Variants in COL5A1 observed in about 807,000 individuals in gnomAD.
The protein encoded by COL5A1 is collagen type V alpha 1 chain, also known as collagen alpha-1(V) chain.
In COL5A1, 16 loss-of-function variants were observed where a neutral mutation model predicts 263.7. The observed-to-expected ratio is 0.06, with a 90% CI of 0.04 to 0.09. The LOEUF (loss-of-function observed/expected upper bound fraction) is 0.09, where lower values mean the gene tolerates loss of function less well. Ranked by LOEUF, COL5A1 falls within the 10% of genes least tolerant of loss-of-function variation. The pLI, the probability that COL5A1 is intolerant of heterozygous loss-of-function variation, is 1.00. For synonymous variants in COL5A1, 1,012 were observed against 1,004.5 expected (o/e 1.01, Z -0.14); for missense variants, 2,036 against 2,540.5 (o/e 0.80, Z 4.27).
intron 26 of COL5A1, 59 bp downstream of exon 26, chr9:134,772,893 T>C: frequency 3.2e-6 from 5 of 1,541,382 alleles, no homozygotes; most frequent in Non-Finnish European, 4.5e-6. Flanking sequence ...GTCCAGGTGC[T>C]CTGGGCTCAG....
intron 3 of COL5A1, 101 bp from the exon 4 acceptor site, chr9:134,701,070 G>T: frequency 8.1e-7 from 1 of 1,233,312 alleles, no homozygotes; most frequent in South Asian, 1.3e-5. Context: ...CGATCGTGCA[G>T]GAAGTGGGCC....
rs572804264 is a variant in COL5A1 at position 134,789,925 on chromosome 9, C to T, written c.2700+717C>T. 1.9e-4 allele frequency among the ~76,000 whole-genome samples: 29 copies of T among 152,340 alleles called. No homozygotes were observed. The highest frequency in any genetic ancestry group is 1.5e-3 in the East Asian group (8 of 5,180). On this transcript the variant is annotated intron_variant, in intron 32 of 65. Coordinates refer to ENST00000371817, the MANE Select transcript of COL5A1 (RefSeq NM_000093.5). This position sits in a 1 kb window ranked among gnomAD's most constrained non-coding sequence, Gnocchi z 4.8. Reference sequence around the variant, plus strand: ...TTGGACTCTGAGCTGGCCTTGTCCACGGGGCATATGGCGGGGACAGAGAAA... The same window carrying T: ...TTGGACTCTGAGCTGGCCTTGTCCATGGGGCATATGGCGGGGACAGAGAAA...
intron 1 of COL5A1, among the ~76,000 whole-genome samples, chr9:134,673,409 G>A (rs1228061768): frequency 6.8e-6 from 1 of 147,568 alleles, no homozygotes; most frequent in African/African-American, 2.5e-5. Flanking sequence ...GCAGTGAGCC[G>A]AGATCACGCC....
At position 134,727,351 on chromosome 9, in the gene COL5A1, C is replaced by T; in HGVS notation, c.740C>T (p.Ala247Val). 1.2e-6 allele frequency: 2 copies of T among 1,614,032 alleles called. No homozygotes were observed. Among genetic ancestry groups the T allele is most frequent in the East Asian group, 2.2e-5 (1 of 44,876 alleles). The part of the protein sequence containing the change: ...CEHYSPDCDT[A>V]VPDTPQSQDP... ...CACTACAGCCCTGACTGTGACACCGCAGTACCTGACACCCCACAGTCGCAG... is the reference window on the plus strand; with the variant it reads ...CACTACAGCCCTGACTGTGACACCGTAGTACCTGACACCCCACAGTCGCAG... Residue 247 changes from alanine to valine, a missense_variant, in exon 5 of 66, where the codon GCA (alanine) becomes GTA (valine). By Grantham distance (64) the Ala-to-Val change is moderately conservative. Transcript: ENST00000371817.
At chr9:134,759,502 CATGCACACACACATACACACACCACAT>C (rs1836165435) in intron 18 of COL5A1, among the ~76,000 whole-genome samples, 2 of 137,578 alleles carry the variant, frequency 1.5e-5, no homozygotes, top group Non-Finnish European at 1.5e-5. Context: ...CTCATACACA[CATGCACACACACATACACACACCACAT>C]ACACCACACA....
intron 16 of COL5A1, among the ~76,000 whole-genome samples, chr9:134,756,174 C>G (rs940940254): frequency 6.6e-6 from 1 of 152,170 alleles, no homozygotes; most frequent in African/African-American, 2.4e-5. Flanking sequence ...AGTTGGGCAC[C>G]TTGTCCTTGA....
rs537983091 is a variant in COL5A1 at position 134,741,003 on chromosome 9, G to T, written c.1494+2195G>T. 5.9e-5 allele frequency among the ~76,000 whole-genome samples: 9 copies of T among 152,322 alleles called. No homozygotes were observed. The South Asian group carries it at 1.7e-3, about 28-fold the overall frequency. On this transcript the variant is annotated intron_variant, in intron 11 of 65. Coordinates refer to ENST00000371817, the MANE Select transcript of COL5A1 (RefSeq NM_000093.5). This position sits in a 1 kb window ranked among gnomAD's most constrained non-coding sequence, Gnocchi z 4.5. ...GGCCCTTCCAGTGAGAGGGGTGCTGGTTCCAGGAGCTGAGAGCTGACCACC... is the reference window on the plus strand; with the variant it reads ...GGCCCTTCCAGTGAGAGGGGTGCTGTTTCCAGGAGCTGAGAGCTGACCACC...
chr9:134,664,802 C>T (rs1315092140), intron 1 of COL5A1, among the ~76,000 whole-genome samples: 4 of 152,220 alleles, frequency 2.6e-5, no homozygotes, highest in Non-Finnish European at 4.4e-5. Context: ...TGGCTCATGC[C>T]TATATTTCCA....
chr9:134,726,151 G>T (rs1381481455), intron 4 of COL5A1, among the ~76,000 whole-genome samples: 2 of 152,240 alleles, frequency 1.3e-5, no homozygotes, highest in Non-Finnish European at 2.9e-5. Flanking sequence ...TCTAGGGCGG[G>T]TGAGAGTGCA....
chr9:134,750,624 C>T lies in COL5A1; in HGVS notation c.1569+8C>T, dbSNP rs201515894. On this transcript the variant is annotated splice_region_variant and intron_variant, in intron 12 of 65. Coordinates refer to ENST00000371817, the MANE Select transcript of COL5A1 (RefSeq NM_000093.5). ...ACCATGCTCATGCTGCCCGTGAGTA[C>T]CCTTATCAGTCGGAGGTGGGGAGGC... is the stretch of plus-strand genomic sequence containing the variant. The T allele has an allele frequency of 6.2e-7, 1 of 1,613,166 alleles. No homozygotes were observed. The highest frequency in any genetic ancestry group is 2.2e-5 in the East Asian group (1 of 44,860).
chr9:134,819,849 A>G (rs1838922156), intron 57 of COL5A1, among the ~76,000 whole-genome samples: 4 of 152,252 alleles, frequency 2.6e-5, no homozygotes, highest in Admixed American at 2.6e-4. Flanking sequence ...ATTACCACTC[A>G]GGAAAACCCC....
At chr9:134,759,553 TCATAC>T (rs1564438203) in intron 18 of COL5A1, among the ~76,000 whole-genome samples, 11 of 71,102 alleles carry the variant, frequency 1.5e-4, no homozygotes, top group African/African-American at 1.0e-3. Context: ...GCACACACAC[TCATAC>T]ACACATGCAC....
Position 134,739,345 on chromosome 9 carries a change from G to T in COL5A1, c.1494+537G>T, listed in dbSNP as rs79050105. Among the ~76,000 whole-genome samples the T allele has an allele frequency of 5.8e-3, 880 of 152,366 alleles. 8 individuals are homozygous for T. Among genetic ancestry groups the T allele is most frequent in the African/African-American group, 0.02 (836 of 41,584 alleles). On this transcript the variant is annotated intron_variant, in intron 11 of 65. Transcript: ENST00000371817. ...GGCGCTCCAAGTACTGCGGCCTCCT[G>T]GTGTCCGGCGGGGCGGGAGTTTTCT... is the stretch of plus-strand genomic sequence containing the variant.
At chr9:134,834,864 C>T (rs375779757) in intron 64 of COL5A1, 107 bp from the exon 65 acceptor site, 1 of 816,428 alleles carries the variant, frequency 1.2e-6, no homozygotes, top group Non-Finnish European at 2.0e-6. Context: ...CAGGTAGTTC[C>T]CCCGAGAAGA....
At chr9:134,761,047 G>A (rs1836408408) in intron 18 of COL5A1, among the ~76,000 whole-genome samples, 1 of 128,696 alleles carries the variant, frequency 7.8e-6, no homozygotes, top group Admixed American at 7.9e-5. Flanking sequence ...CTCCACACAT[G>A]CCCACACTCA....
intron 37 of COL5A1, 113 bp from the exon 38 acceptor site, chr9:134,801,841 C>T: frequency 1.1e-6 from 1 of 945,026 alleles, no homozygotes; most frequent in Non-Finnish European, 1.7e-6. Context: ...AAGTCTGGAA[C>T]ATCTACTCTG....
At chr9:134,672,290 T>C (rs1175127320) in intron 1 of COL5A1, among the ~76,000 whole-genome samples, 1 of 152,176 alleles carries the variant, frequency 6.6e-6, no homozygotes, top group Non-Finnish European at 1.5e-5. Context: ...AAAAAGAAGA[T>C]GAAAATGAGT....
intron 42 of COL5A1, among the ~76,000 whole-genome samples, chr9:134,808,230 G>T (rs1189211146): frequency 1.3e-5 from 2 of 152,128 alleles, no homozygotes; most frequent in African/African-American, 4.8e-5. Context: ...TCTATTCCAT[G>T]TTTCCCTTCC....
At chr9:134,792,821 G>T (rs1354615215) in intron 32 of COL5A1, among the ~76,000 whole-genome samples, 1 of 151,434 alleles carries the variant, frequency 6.6e-6, no homozygotes, top group Admixed American at 6.6e-5. Context: ...GTGTGTGCAT[G>T]TGTGTGTATG....
Sources: gnomAD v4.1 joint callset for allele counts (sites outside exome capture counted in the v4.1 genomes callset) on GRCh38, gnomAD v4.1.1 for gene constraint, Gnocchi (gnomAD v3.1) non-coding constraint, MANE v1.5 for transcripts, NCBI Gene and HGNC (gene_info 2026-07-23, HGNC 2026-07-21) for gene names.